Variants in PIK3C2G observed in about 807,000 individuals in gnomAD.
PIK3C2G encodes the protein phosphatidylinositol 3-kinase C2 domain-containing subunit gamma.
Under a neutral mutation model 181.1 loss-of-function variants are expected in PIK3C2G, and 168 were observed. That is an observed-to-expected ratio of 0.93 (90% confidence interval 0.82 to 1.05). The LOEUF (loss-of-function observed/expected upper bound fraction) is 1.05, where lower values mean the gene tolerates loss of function less well. Among genes scored for constraint, PIK3C2G ranks in the 50% least tolerant of loss-of-function variants. The pLI, the probability that PIK3C2G is intolerant of heterozygous loss-of-function variation, is 0.00. For synonymous variants in PIK3C2G, 573 were observed against 592.2 expected, an observed-to-expected ratio of 0.97 and a Z score of 0.47; for missense variants, 1,869 against 1,732.8, an observed-to-expected ratio of 1.08 and a Z score of -1.40.
intron 12 of PIK3C2G, among the ~76,000 whole-genome samples, chr12:18,368,261 A>G (rs1436347020): frequency 6.6e-6 from 1 of 152,230 alleles, no homozygotes; most frequent in Non-Finnish European, 1.5e-5. Flanking sequence ...AAATTATTGT[A>G]ATAATAATTG....
intron 31 of PIK3C2G, among the ~76,000 whole-genome samples, chr12:18,619,296 G>A (rs1462690351): frequency 6.6e-6 from 1 of 151,814 alleles, no homozygotes; most frequent in African/African-American, 2.4e-5. Context: ...CTGTCAGTTT[G>A]GAATTCTATC....
Position 18,290,739 on chromosome 12 carries a change from G to A in PIK3C2G, c.762-116G>A. 3 of 689,548 alleles carry A rather than the reference G, an allele frequency of 4.4e-6. No individual in the cohort carries two copies. In the South Asian group the frequency reaches 5.4e-5, roughly 12 times the overall value. 42.7% of individuals were successfully genotyped at this position (689,548 alleles called of 1,614,324 possible). ...ATTACTGATTGCTTTCATCTTTTAA[G>A]TCTTTTATAGCAAAACACTACATGA... On this transcript the variant is annotated intron_variant, in intron 3 of 32. Coordinates refer to ENST00000538779, the MANE Select transcript of PIK3C2G (RefSeq NM_001288772.2).
chr12:18,708,558 A>AT, the PIK3C2G span, among the ~76,000 whole-genome samples: 1 of 152,172 alleles, frequency 6.6e-6, no homozygotes, highest in African/African-American at 2.4e-5. Context: ...TGGTGGCTCT[A>AT]TTTTTTATTT....
downstream of PIK3C2G, among the ~76,000 whole-genome samples, chr12:18,649,245 A>C (rs769511499): frequency 3.3e-4 from 50 of 152,076 alleles, no homozygotes; most frequent in Non-Finnish European, 6.5e-4. Context: ...AGTAAAAAGA[A>C]ACTGCCACAG....
the PIK3C2G span, among the ~76,000 whole-genome samples, chr12:18,695,515 C>T: frequency 9.2e-5 from 14 of 152,046 alleles, no homozygotes; most frequent in African/African-American, 2.9e-4. Context: ...CAATAATTGT[C>T]GTTACAATAT....
the PIK3C2G span, chr12:18,683,745 G>C: frequency 5.6e-6 from 4 of 711,294 alleles, no homozygotes; most frequent in East Asian, 1.8e-4. Context: ...GGTCAGGAAA[G>C]GATAGTCTCA....
rs200362263 is a variant in PIK3C2G, at chr12:18,435,968, A to AC, written c.2504+11929_2504+11930insC. 7.6e-3 allele frequency among the ~76,000 whole-genome samples: 1,088 copies of AC among 144,082 alleles called. 10 individuals are homozygous for AC. The highest frequency in any genetic ancestry group is 0.025 in the African/African-American group (1,000 of 39,240). The allele number at this position is 144,082 out of a possible 152,430, so 94.5% of individuals were successfully genotyped here. A position where few individuals can be genotyped will look rare whatever the true frequency, so the allele number is the denominator to read the frequency against. On this transcript the variant is annotated intron_variant, in intron 18 of 32. Transcript: ENST00000538779. ...AAGATACTTAGAGCTACAAGTAACA[A>AC]AAAAAAAAAAAAACCCTGATTCAAC...
intron 24 of PIK3C2G, among the ~76,000 whole-genome samples, chr12:18,522,490 A>G (rs1399576485): frequency 6.7e-6 from 1 of 150,318 alleles, no homozygotes; most frequent in Non-Finnish European, 1.5e-5. Flanking sequence ...CTGAAGGACA[A>G]CTTTGCCAGG....
intron 5 of PIK3C2G, among the ~76,000 whole-genome samples, chr12:18,313,075 A>G (rs1950707192): frequency 6.6e-6 from 1 of 152,098 alleles, no homozygotes; most frequent in East Asian, 1.9e-4. Flanking sequence ...CCTTTAAACA[A>G]TGTGCATTAA....
intron 29 of PIK3C2G, among the ~76,000 whole-genome samples, chr12:18,583,171 A>G (rs1490882217): frequency 6.6e-6 from 1 of 151,994 alleles, no homozygotes; most frequent in Non-Finnish European, 1.5e-5. Context: ...CAGTGTGTTC[A>G]GGCCAGCAAC....
chr12:18,333,392 C>G (rs922191295), intron 8 of PIK3C2G, among the ~76,000 whole-genome samples: 3 of 152,044 alleles, frequency 2.0e-5, no homozygotes, highest in African/African-American at 7.2e-5. Context: ...CACCCATCAA[C>G]CCGTCATCTA....
intron 9 of PIK3C2G, among the ~76,000 whole-genome samples, chr12:18,340,225 T>C (rs1419177975): frequency 1.3e-5 from 2 of 152,114 alleles, no homozygotes; most frequent in Admixed American, 1.3e-4. Flanking sequence ...CTGGGCCATG[T>C]TGGAAGAATT....
intron 26 of PIK3C2G, 102 bp from the exon 27 acceptor site, chr12:18,562,601 C>T (rs943532032): frequency 1.5e-4 from 101 of 691,816 alleles, no homozygotes; most frequent in Non-Finnish European, 2.4e-4. Context: ...TGGTTCTTGG[C>T]TTTTTCCCCT....
At chr12:18,396,460 G>T (rs965470800) in intron 15 of PIK3C2G, among the ~76,000 whole-genome samples, 6 of 151,414 alleles carry the variant, frequency 4.0e-5, no homozygotes, top group African/African-American at 7.3e-5. Flanking sequence ...ACAAAGCCAC[G>T]ATGTCTGCTT....
chr12:18,590,117 GTT>G (rs35341019), intron 29 of PIK3C2G, among the ~76,000 whole-genome samples: 117 of 141,966 alleles, frequency 8.2e-4, no homozygotes, highest in African/African-American at 2.6e-3. Context: ...TAAATTCAGA[GTT>G]TTTTTTTTTT....
At chr12:18,478,800 C>T (rs1939256198) in intron 18 of PIK3C2G, among the ~76,000 whole-genome samples, 1 of 151,962 alleles carries the variant, frequency 6.6e-6, no homozygotes, top group South Asian at 2.1e-4. Flanking sequence ...CACAAGGAGA[C>T]CCCACCTCTA....
At chr12:18,575,000 C>G (rs1328429334) in intron 29 of PIK3C2G, among the ~76,000 whole-genome samples, 1 of 152,094 alleles carries the variant, frequency 6.6e-6, no homozygotes. Flanking sequence ...ACTGACTCAG[C>G]ATGTTGGCTT....
chr12:18,279,218 A>C (rs939644242), intron 1 of PIK3C2G, among the ~76,000 whole-genome samples: 4 of 152,146 alleles, frequency 2.6e-5, no homozygotes, highest in Admixed American at 2.0e-4. Flanking sequence ...ACGTTAGATA[A>C]GTTAATACAT....
chr12:18,399,478 A>G (rs947044407), intron 15 of PIK3C2G, among the ~76,000 whole-genome samples, 181 bp from the exon 16 acceptor site: 1 of 152,062 alleles, frequency 6.6e-6, no homozygotes, highest in Non-Finnish European at 1.5e-5. Context: ...GAATAAAGTT[A>G]GTGGAAAATA....
Sources: allele counts gnomAD v4.1 joint callset (sites outside exome capture counted in the v4.1 genomes callset), GRCh38; gene constraint gnomAD v4.1.1; transcripts MANE v1.5; gene names NCBI Gene and HGNC (gene_info 2026-07-23, HGNC 2026-07-21).